Variants in SLC9A9 observed in about 807,000 individuals in gnomAD.
SLC9A9 encodes sodium/hydrogen exchanger 9.
Under a neutral mutation model 77.8 loss-of-function variants are expected in SLC9A9, and 62 were observed. That is an observed-to-expected ratio of 0.80 (90% CI 0.65 to 0.98). The LOEUF is 0.98. Ranked by LOEUF, SLC9A9 falls within the 50% of genes least tolerant of loss-of-function variation. The probability of loss-of-function intolerance (pLI) is 0.00; values close to 1 mark genes in which losing one functional copy is unlikely to be tolerated. For missense variants in SLC9A9, 775 were observed against 774.9 expected, an observed-to-expected ratio of 1.00 and a Z score of 0.00; for synonymous variants, 320 against 283.5, an observed-to-expected ratio of 1.13 and a Z score of -1.29.
Position 143,809,954 on chromosome 3 carries a change from G to T in SLC9A9, c.379-13051C>A, listed in dbSNP as rs1249343166. Among the ~76,000 whole-genome samples the T allele has an allele frequency of 2.0e-5, 3 of 152,142 alleles. No homozygotes were observed. The East Asian group carries it at 5.8e-4, about 29-fold the overall frequency. Reference sequence around the variant, plus strand: ...AATTTATACTATTTCCTTTTTAGATGTTCTGTCATACTACAAAAGGTGTGA... The same window carrying T: ...AATTTATACTATTTCCTTTTTAGATTTTCTGTCATACTACAAAAGGTGTGA... On this transcript the variant is annotated intron_variant, in intron 2 of 15. Transcript: ENST00000316549.
At chr3:143,614,781 G>A (rs979680345) in intron 6 of SLC9A9, among the ~76,000 whole-genome samples, 10 of 152,102 alleles carry the variant, frequency 6.6e-5, no homozygotes, top group African/African-American at 1.7e-4. Flanking sequence ...TGGAGTACTC[G>A]GTGTTTTCTG....
intron 9 of SLC9A9, among the ~76,000 whole-genome samples, chr3:143,526,906 G>A (rs1359674962): frequency 6.6e-6 from 1 of 152,168 alleles, no homozygotes; most frequent in Non-Finnish European, 1.5e-5. Flanking sequence ...TTCTTGTGGG[G>A]TAAGGGGCTT....
chr3:143,700,353 G>C (rs2108788155), intron 4 of SLC9A9, among the ~76,000 whole-genome samples: 1 of 152,216 alleles, frequency 6.6e-6, no homozygotes, highest in South Asian at 2.1e-4. Flanking sequence ...TATCTGCTCA[G>C]CAACAGCAGG....
chr3:143,408,156 C>A (rs1361924924), intron 12 of SLC9A9, among the ~76,000 whole-genome samples: 2 of 152,168 alleles, frequency 1.3e-5, no homozygotes, highest in Non-Finnish European at 2.9e-5. Context: ...AATCTAATTA[C>A]CTGTTTATAA....
chr3:143,626,509 C>T (rs1472518244), intron 6 of SLC9A9, among the ~76,000 whole-genome samples: 5 of 152,020 alleles, frequency 3.3e-5, no homozygotes, highest in South Asian at 2.1e-4. Context: ...AGCAAACTAT[C>T]GCAAGGACAA....
At chr3:143,290,475 A>G (rs2029904361) in intron 14 of SLC9A9, among the ~76,000 whole-genome samples, 1 of 152,234 alleles carries the variant, frequency 6.6e-6, no homozygotes, top group Non-Finnish European at 1.5e-5. Context: ...TTTGAGTCTG[A>G]TGGGAAGCTA....
chr3:143,572,928 C>T (rs1226022004), intron 8 of SLC9A9, among the ~76,000 whole-genome samples: 1 of 152,180 alleles, frequency 6.6e-6, no homozygotes, highest in Non-Finnish European at 1.5e-5. Flanking sequence ...TTCCTACCTA[C>T]CCTTAGAGGT....
Position 143,585,122 on chromosome 3 carries a change from C to G in SLC9A9, c.756-6399G>C, listed in dbSNP as rs2037520097. 1.3e-5 allele frequency among the ~76,000 whole-genome samples: 2 copies of G among 152,192 alleles called. 1 individual carries two copies. Among genetic ancestry groups the G allele is most frequent in the South Asian group, 4.1e-4 (2 of 4,834 alleles). ...CTCCATTTTGCTGAGAATCCCTTCA[C>G]AGCTGCCACAAGATCTTCCAGGTCT... On this transcript the variant is annotated intron_variant, in intron 6 of 15. Coordinates refer to ENST00000316549, the MANE Select transcript of SLC9A9 (RefSeq NM_173653.4).
At chr3:143,338,718 G>T (rs1002969750) in intron 14 of SLC9A9, among the ~76,000 whole-genome samples, 3 of 152,158 alleles carry the variant, frequency 2.0e-5, no homozygotes, top group East Asian at 1.9e-4. Context: ...ACTTAAAGCT[G>T]CCTGGGGATT....
intron 12 of SLC9A9, among the ~76,000 whole-genome samples, chr3:143,395,773 C>CA (rs2033713812): frequency 1.3e-5 from 2 of 152,128 alleles, no homozygotes; most frequent in Non-Finnish European, 2.9e-5. Context: ...ACAACCCCAT[C>CA]AAAAAGTGGG....
chr3:143,278,387 CTG>C (rs1241979171), intron 14 of SLC9A9, among the ~76,000 whole-genome samples: 2 of 152,126 alleles, frequency 1.3e-5, no homozygotes, highest in Admixed American at 6.5e-5. Flanking sequence ...ATGCTAGATG[CTG>C]TGTTAGATCT....
At chr3:143,529,855 A>C (rs2036474502) in intron 9 of SLC9A9, among the ~76,000 whole-genome samples, 1 of 152,198 alleles carries the variant, frequency 6.6e-6, no homozygotes, top group South Asian at 2.1e-4. Context: ...AATTTAGCAA[A>C]TAAAAAGTCT....
At chr3:143,820,552 G>A (rs1055708539) in intron 2 of SLC9A9, among the ~76,000 whole-genome samples, 6 of 152,120 alleles carry the variant, frequency 3.9e-5, no homozygotes, top group African/African-American at 1.4e-4. Context: ...CTGGTCCCTT[G>A]TGGGCCTGCC....
intron 4 of SLC9A9, among the ~76,000 whole-genome samples, chr3:143,715,092 A>C (rs1934301620): frequency 6.6e-6 from 1 of 152,226 alleles, no homozygotes; most frequent in Non-Finnish European, 1.5e-5. Context: ...CTCTCCAGCC[A>C]AGTGGAACTG....
chr3:143,745,361 A>G (rs1935176854), intron 4 of SLC9A9, among the ~76,000 whole-genome samples: 1 of 152,256 alleles, frequency 6.6e-6, no homozygotes, highest in Non-Finnish European at 1.5e-5. Context: ...GACATGTTTG[A>G]ATAACTAGTT....
At chr3:143,668,010 G>A (rs542786044) in intron 5 of SLC9A9, among the ~76,000 whole-genome samples, 344 of 152,166 alleles carry the variant, frequency 2.3e-3, no homozygotes, top group African/African-American at 8.1e-3. Context: ...TATAAATCAT[G>A]CTGCCATAAA....
intron 7 of SLC9A9, among the ~76,000 whole-genome samples, chr3:143,575,477 T>C (rs1010167903): frequency 6.6e-6 from 1 of 152,218 alleles, no homozygotes; most frequent in Non-Finnish European, 1.5e-5. Flanking sequence ...ACAAGTGATA[T>C]GCAACTTGTC....
intron 6 of SLC9A9, among the ~76,000 whole-genome samples, chr3:143,602,470 C>T (rs1355222959): frequency 6.6e-6 from 1 of 152,196 alleles, no homozygotes; most frequent in African/African-American, 2.4e-5. Context: ...TTTACAAGGA[C>T]TTAGTTAATT....
chr3:143,661,448 C>T (rs565401715), intron 5 of SLC9A9, among the ~76,000 whole-genome samples: 8 of 152,254 alleles, frequency 5.3e-5, no homozygotes, highest in South Asian at 2.1e-4. Flanking sequence ...TGCTCGACCC[C>T]ACTGTGGCAC....
Sources: allele counts gnomAD v4.1 joint callset (sites outside exome capture counted in the v4.1 genomes callset), GRCh38; gene constraint gnomAD v4.1.1; transcripts MANE v1.5; gene names NCBI Gene and HGNC (gene_info 2026-07-23, HGNC 2026-07-21).